TBC1D31: variants seen among roughly 807,000 people sequenced by gnomAD.
TBC1D31 encodes the protein TBC1 domain family member 31, also known as WD repeat domain 67.
TBC1D31 carries 99 observed loss-of-function variants against 132.9 expected under a neutral mutation model. The observed-to-expected ratio is 0.74, with a 90% CI of 0.63 to 0.88. The LOEUF (loss-of-function observed/expected upper bound fraction) is 0.88. Among genes scored for constraint, TBC1D31 ranks in the 40% least tolerant of loss-of-function variants. TBC1D31 has a pLI of 0.00. For missense variants in TBC1D31, 1,134 were observed against 1,256.6 expected (o/e 0.90, Z 1.48); for synonymous variants, 385 against 419.4 (o/e 0.92, Z 1.00).
chr8:123,082,909 C>A, intron 3 of TBC1D31, 92 bp downstream of exon 3: 1 of 821,396 alleles, frequency 1.2e-6, no homozygotes, highest in Non-Finnish European at 1.9e-6. Context: ...CTTGAGGGGG[C>A]AGTCCCCATG....
chr8:123,082,506 A>G (rs762313129), intron 2 of TBC1D31, 196 bp from the exon 3 acceptor site: 4 of 549,138 alleles, frequency 7.3e-6, no homozygotes, highest in Non-Finnish European at 1.3e-5. Context: ...CTGTGCTAAC[A>G]CTTACAGTGG....
At chr8:123,142,929 A>G (rs933170092) in intron 19 of TBC1D31, among the ~76,000 whole-genome samples, 14 of 152,228 alleles carry the variant, frequency 9.2e-5, no homozygotes, top group Admixed American at 5.2e-4. Flanking sequence ...CGTAGCTGCT[A>G]GTAACAAAAC....
intron 2 of TBC1D31, among the ~76,000 whole-genome samples, chr8:123,079,667 C>G (rs1183455360): frequency 2.0e-5 from 3 of 152,202 alleles, no homozygotes; most frequent in Admixed American, 1.3e-4. Flanking sequence ...TTAACGTTTC[C>G]TATTCTCCAC....
intron 10 of TBC1D31, among the ~76,000 whole-genome samples, chr8:123,116,329 A>C (rs1442972395): frequency 6.6e-6 from 1 of 152,178 alleles, no homozygotes; most frequent in Non-Finnish European, 1.5e-5. Context: ...AAAACCATCA[A>C]AGTATTAGAA....
chr8:123,072,879 G>A (rs780844518), intron 1 of TBC1D31, 33 bp downstream of exon 1: 1 of 1,546,628 alleles, frequency 6.5e-7, no homozygotes, highest in South Asian at 1.2e-5. Flanking sequence ...GCGGGCTGTG[G>A]AGGGGATGGA....
intron 8 of TBC1D31, among the ~76,000 whole-genome samples, chr8:123,107,528 G>C (rs1818049247): frequency 6.6e-6 from 1 of 152,174 alleles, no homozygotes; most frequent in Non-Finnish European, 1.5e-5. Context: ...GTTGTGTAAA[G>C]ACTGGGCAAT....
At chr8:123,087,055 G>A (rs760224617) in intron 4 of TBC1D31, among the ~76,000 whole-genome samples, 1 of 152,152 alleles carries the variant, frequency 6.6e-6, no homozygotes, top group African/African-American at 2.4e-5. Flanking sequence ...TGTTCAAAAT[G>A]TTAGAAGTGG....
chr8:123,129,222 T>C lies in TBC1D31; in HGVS notation c.2270+4T>C. The C allele has an allele frequency of 1.9e-6, 3 of 1,540,742 alleles. No homozygotes were observed. Among genetic ancestry groups the C allele is most frequent in the South Asian group, 1.2e-5 (1 of 80,042 alleles). On this transcript the variant is annotated splice_donor_region_variant and intron_variant, in intron 15 of 21. Coordinates refer to ENST00000287380, the MANE Select transcript of TBC1D31 (RefSeq NM_145647.4). ...AAATGATACAACAAAGACAGAGGTA[T>C]GTGTTATCACTTTAAAAAAAAATCT...
chr8:123,109,596 G>A lies in TBC1D31; in HGVS notation c.1412G>A (p.Arg471Lys). The change falls in exon 10 of 22, where the codon AGG becomes AAG. Residue 471 changes from arginine to lysine, a missense_variant. By Grantham distance (26) the Arg-to-Lys change is conservative. Coordinates refer to ENST00000287380, the MANE Select transcript of TBC1D31 (RefSeq NM_145647.4). Reference protein sequence around the residue: ...NLQKKYPIKSRKLLRVLQRTL... With the variant: ...NLQKKYPIKSKKLLRVLQRTL... ...CAGAAGAAATACCCCATCAAAAGTA[G>A]GAAGCTACTCAGAGTATTACAGAGG... The A allele has an allele frequency of 1.2e-6, 2 of 1,613,654 alleles. No homozygotes were observed. The highest frequency in any genetic ancestry group is 2.7e-5 in the African/African-American group (2 of 74,984).
chr8:123,163,773 C>T, the TBC1D31 span, among the ~76,000 whole-genome samples: 370 of 152,278 alleles, frequency 2.4e-3, 7 homozygotes, highest in Non-Finnish European at 8.5e-4. Context: ...GATTTTGGTG[C>T]ATCCGTCACC....
At chr8:123,145,590 TGAGGCGA>T (rs1055925138) in intron 20 of TBC1D31, among the ~76,000 whole-genome samples, 7 of 151,880 alleles carry the variant, frequency 4.6e-5, no homozygotes, top group Non-Finnish European at 8.8e-5. Flanking sequence ...CCCTGGAGGC[TGAGGCGA>T]GAGGATCTCT....
chr8:123,092,057 C>A (rs1435763388), intron 4 of TBC1D31, among the ~76,000 whole-genome samples: 2 of 152,168 alleles, frequency 1.3e-5, no homozygotes, highest in Non-Finnish European at 2.9e-5. Context: ...TCTTGTTGCC[C>A]AGGCTGGAGT....
At chr8:123,093,471 T>C in intron 4 of TBC1D31, 120 bp from the exon 5 acceptor site, 1 of 595,986 alleles carries the variant, frequency 1.7e-6, no homozygotes, top group Non-Finnish European at 2.6e-6. Context: ...TAGAAATGTA[T>C]TTTCCCCAGC....
At chr8:123,144,930 T>A (rs1822048001) in intron 20 of TBC1D31, 75 bp downstream of exon 20, 1 of 1,415,290 alleles carries the variant, frequency 7.1e-7, no homozygotes, top group Admixed American at 2.4e-5. Flanking sequence ...ATTATGATTT[T>A]TTTTTTTTTT....
chr8:123,152,085 C>A lies in TBC1D31; in HGVS notation c.*146C>A. The A allele has an allele frequency of 1.3e-6, 1 of 794,512 alleles. No homozygotes were observed. The highest frequency in any genetic ancestry group is 3.4e-5 in the East Asian group (1 of 29,792). 49.2% of individuals were successfully genotyped at this position (794,512 alleles called of 1,614,324 possible). A position where few individuals can be genotyped will look rare whatever the true frequency, so the allele number is the denominator to read the frequency against. ...TATAAAAATTATGTGTTATTTAATTCTGATACTTTTTGGCTTGTAAATGGC... is the reference window on the plus strand; with the variant it reads ...TATAAAAATTATGTGTTATTTAATTATGATACTTTTTGGCTTGTAAATGGC... On this transcript the variant is annotated 3_prime_UTR_variant, in exon 22 of 22. Transcript: ENST00000287380.
chr8:123,140,848 A>G lies in TBC1D31; in HGVS notation c.2587A>G (p.Met863Val). ...YRRKVDLEEH[M>V]FHKLIEAGET... ...ACGAAAAGTGGATCTTGAAGAACAC[A>G]TGTTTCATAAGCTGATAGAAGCAGG... The change falls in exon 18 of 22, where the codon ATG becomes GTG. Residue 863 changes from methionine (M) to valine (V), a missense_variant. Transcript: ENST00000287380. 1 of 1,613,732 alleles carries G rather than the reference A, an allele frequency of 6.2e-7. No individual in the cohort carries two copies. Among genetic ancestry groups the G allele is most frequent in the Non-Finnish European group, 8.5e-7 (1 of 1,179,830 alleles).
chr8:123,107,703 A>T (rs1818067528), intron 8 of TBC1D31, among the ~76,000 whole-genome samples: 1 of 152,214 alleles, frequency 6.6e-6, no homozygotes, highest in Non-Finnish European at 1.5e-5. Context: ...ATCTGGCAGC[A>T]TTGTAGTGTG....
At chr8:123,095,125 T>C (rs1328915358) in intron 5 of TBC1D31, among the ~76,000 whole-genome samples, 1 of 152,232 alleles carries the variant, frequency 6.6e-6, no homozygotes, top group Admixed American at 6.5e-5. Flanking sequence ...CTCTGTTACC[T>C]GTATTTTTCC....
chr8:123,128,556 T>A, intron 14 of TBC1D31, 43 bp downstream of exon 14: 2 of 1,381,222 alleles, frequency 1.4e-6, no homozygotes, highest in Non-Finnish European at 2.0e-6. Flanking sequence ...CAATGAAATA[T>A]GTTATAAACA....
Sources: gnomAD v4.1 joint callset for allele counts (sites outside exome capture counted in the v4.1 genomes callset) on GRCh38, gnomAD v4.1.1 for gene constraint, MANE v1.5 for transcripts, NCBI Gene and HGNC (gene_info 2026-07-23, HGNC 2026-07-21) for gene names.